KCNIP4: variants seen among roughly 807,000 people sequenced by gnomAD.
The protein encoded by KCNIP4 is Kv channel-interacting protein 4.
A neutral mutation model predicts 34.0 loss-of-function variants in KCNIP4; 12 were observed. That is an observed-to-expected ratio of 0.35 (90% confidence interval 0.23 to 0.57). The LOEUF (loss-of-function observed/expected upper bound fraction) is 0.57, where lower values mean the gene tolerates loss of function less well. Among genes scored for constraint, KCNIP4 ranks in the 20% least tolerant of loss-of-function variants. KCNIP4 has a pLI of 0.83. For synonymous variants in KCNIP4, 124 were observed against 102.2 expected, an observed-to-expected ratio of 1.21 and a Z score of -1.29; for missense variants, 238 against 311.7, an observed-to-expected ratio of 0.76 and a Z score of 1.78.
intron 1 of KCNIP4, among the ~76,000 whole-genome samples, chr4:21,246,054 G>A (rs1760177918): frequency 6.6e-6 from 1 of 152,114 alleles, no homozygotes. Context: ...TTACAGAGCT[G>A]TACCTCTGTA....
chr4:20,873,894 A>C (rs914380269), intron 2 of KCNIP4, among the ~76,000 whole-genome samples: 17 of 152,178 alleles, frequency 1.1e-4, no homozygotes, highest in South Asian at 2.1e-4. Context: ...TATCTTTTGA[A>C]GTACCTAGAA....
intron 1 of KCNIP4, among the ~76,000 whole-genome samples, chr4:21,773,095 C>A (rs751729825): frequency 1.5e-4 from 23 of 152,152 alleles, no homozygotes; most frequent in Non-Finnish European, 3.4e-4. Flanking sequence ...TTAGCTGTGT[C>A]CCAGAGATTT....
chr4:21,315,709 G>A (rs1004828385), intron 1 of KCNIP4, among the ~76,000 whole-genome samples: 1 of 152,232 alleles, frequency 6.6e-6, no homozygotes, highest in Non-Finnish European at 1.5e-5. Flanking sequence ...CCAGAATCTA[G>A]GGCCATGTCT....
At chr4:20,779,982 GC>G (rs778428323) in intron 3 of KCNIP4, among the ~76,000 whole-genome samples, 8 of 152,142 alleles carry the variant, frequency 5.3e-5, no homozygotes, top group Non-Finnish European at 1.2e-4. Flanking sequence ...GTTGTTTTAA[GC>G]CTTTCAGTTT....
chr4:20,765,952 T>C (rs1018692960), intron 3 of KCNIP4, among the ~76,000 whole-genome samples: 2 of 152,198 alleles, frequency 1.3e-5, no homozygotes, highest in Non-Finnish European at 2.9e-5. Context: ...CTAGTACTAA[T>C]ATCAATTTTA....
intron 1 of KCNIP4, among the ~76,000 whole-genome samples, chr4:21,924,509 G>T (rs1729124336): frequency 1.3e-5 from 2 of 152,160 alleles, no homozygotes; most frequent in African/African-American, 4.8e-5. Context: ...CTCCCAAAGT[G>T]CTGGGATTAC....
At chr4:20,981,479 T>C (rs1736056967) in intron 1 of KCNIP4, among the ~76,000 whole-genome samples, 1 of 152,308 alleles carries the variant, frequency 6.6e-6, no homozygotes, top group South Asian at 2.1e-4. Context: ...TTATTCCCTT[T>C]CTCAACATTA....
chr4:20,863,442 G>A (rs1722423787), intron 2 of KCNIP4, among the ~76,000 whole-genome samples: 1 of 152,174 alleles, frequency 6.6e-6, no homozygotes, highest in Non-Finnish European at 1.5e-5. Flanking sequence ...ATCCCCAGGA[G>A]CAATTTGGGG....
chr4:21,421,234 A>C (rs974465938), intron 1 of KCNIP4, among the ~76,000 whole-genome samples: 1 of 152,210 alleles, frequency 6.6e-6, no homozygotes, highest in Non-Finnish European at 1.5e-5. Context: ...AAAGTTAAAA[A>C]TAGAACTATC....
chr4:21,914,094 C>T (rs933786003), intron 1 of KCNIP4, among the ~76,000 whole-genome samples: 1 of 152,074 alleles, frequency 6.6e-6, no homozygotes, highest in African/African-American at 2.4e-5. Flanking sequence ...TTTGGCCCTT[C>T]ATCCAAGAGC....
intron 1 of KCNIP4, among the ~76,000 whole-genome samples, chr4:21,085,695 G>A (rs1030199316): frequency 2.4e-4 from 36 of 152,244 alleles, no homozygotes; most frequent in African/African-American, 8.2e-4. Context: ...GTTTACTAAA[G>A]ACATAATCTC....
At chr4:21,120,797 A>G (rs534479380) in intron 1 of KCNIP4, among the ~76,000 whole-genome samples, 3 of 152,154 alleles carry the variant, frequency 2.0e-5, no homozygotes, top group African/African-American at 7.2e-5. Context: ...ATCAGTCCTA[A>G]TCTCTTCTTC....
At chr4:21,457,236 C>T (rs917552355) in intron 1 of KCNIP4, among the ~76,000 whole-genome samples, 4 of 152,032 alleles carry the variant, frequency 2.6e-5, no homozygotes, top group African/African-American at 7.2e-5. Context: ...GCTTCTTCTC[C>T]GGGACCGCCC....
intron 1 of KCNIP4, among the ~76,000 whole-genome samples, chr4:21,063,490 T>A (rs1168726942): frequency 1.3e-5 from 2 of 152,172 alleles, no homozygotes; most frequent in Non-Finnish European, 1.5e-5. Context: ...TTAAGTGTCT[T>A]CATCCATATC....
At position 21,139,612 on chromosome 4, in the gene KCNIP4, T is replaced by C. The variant is rs115764155; in HGVS notation, c.62-256903A>G. 1.8e-3 allele frequency among the ~76,000 whole-genome samples: 272 copies of C among 152,248 alleles called. 2 individuals are homozygous for C. The highest frequency in any genetic ancestry group is 6.1e-3 in the African/African-American group (253 of 41,540). ...ACATCCAAAGAGACATGACTTTCCA[T>C]CTCGACTCAACTCAGGACAACCCTA... On this transcript the variant is annotated intron_variant, in intron 1 of 8. Coordinates refer to ENST00000382152, the MANE Select transcript of KCNIP4 (RefSeq NM_025221.6).
chr4:20,850,557 T>C lies in KCNIP4; in HGVS notation c.274A>G (p.Arg92Gly). 2 of 1,612,864 alleles carry C rather than the reference T, an allele frequency of 1.2e-6. No individual in the cohort carries two copies. Among genetic ancestry groups the C allele is most frequent in the Non-Finnish European group, 1.7e-6 (2 of 1,179,710 alleles). The part of the protein sequence containing the change: ...FTKKELQILY[R>G]GFKNECPSGV... ...AAAGTTCTTACATTCTTAAATCCTC[T>C]GTAAAGGATCTGAAGCTCTTTCTTG... Residue 92 changes from arginine (R) to glycine (G), a missense_variant, in exon 3 of 9, where the codon AGA becomes GGA. Physicochemically the swap from Arg to Gly is moderately radical, Grantham distance 125. Coordinates refer to ENST00000382152, the MANE Select transcript of KCNIP4 (RefSeq NM_025221.6).
At chr4:21,879,941 C>T (rs1033736690) in intron 1 of KCNIP4, among the ~76,000 whole-genome samples, 1 of 152,050 alleles carries the variant, frequency 6.6e-6, no homozygotes, top group Admixed American at 6.6e-5. Flanking sequence ...CTCTGCACTT[C>T]GCCTTCTTGC....
intron 1 of KCNIP4, among the ~76,000 whole-genome samples, chr4:21,432,470 G>A (rs1239501621): frequency 6.6e-6 from 1 of 151,860 alleles, no homozygotes; most frequent in Non-Finnish European, 1.5e-5. Flanking sequence ...CTACAAATGT[G>A]GAACAAAAAT....
chr4:21,506,904 GTCTC>G (rs1455577270), intron 1 of KCNIP4, among the ~76,000 whole-genome samples: 51 of 151,816 alleles, frequency 3.4e-4, no homozygotes, highest in African/African-American at 1.2e-3. Flanking sequence ...CAATCCTTCT[GTCTC>G]AGCCTCCCAA....
Sources: allele counts gnomAD v4.1 joint callset (sites outside exome capture counted in the v4.1 genomes callset), GRCh38; gene constraint gnomAD v4.1.1; transcripts MANE v1.5; gene names NCBI Gene and HGNC (gene_info 2026-07-23, HGNC 2026-07-21).